Variants in CLEC4D observed in about 807,000 individuals in gnomAD.
CLEC4D encodes the protein C-type (calcium dependent, carbohydrate-recognition domain) lectin, superfamily member 8.
A neutral mutation model predicts 21.1 loss-of-function variants in CLEC4D; 21 were observed. That is an observed-to-expected ratio of 1.00 (90% CI 0.71 to 1.43). CLEC4D has a LOEUF of 1.43. Among genes scored for constraint, CLEC4D ranks in the 40% most tolerant of loss-of-function variants. The pLI is 0.00. For synonymous variants in CLEC4D, 85 were observed against 83.1 expected, an observed-to-expected ratio of 1.02 and a Z score of -0.12; for missense variants, 289 against 260.7, an observed-to-expected ratio of 1.11 and a Z score of -0.75.
At position 8,521,830 on chromosome 12, in the gene CLEC4D, T is replaced by C. The variant is rs1056250369; in HGVS notation, c.*559T>C. The C allele has an allele frequency of 1.3e-5, 2 of 152,330 alleles. No homozygotes were observed. Among genetic ancestry groups the C allele is most frequent in the Non-Finnish European group, 2.9e-5 (2 of 68,130 alleles). The allele number at this position is 152,330 out of a possible 1,614,324, so 9.4% of individuals were successfully genotyped here. ...AACAGTGTGGAATAGTTCTGAATTA[T>C]GCTGTTCTACAGATAGAAAAAAAGT... On this transcript the variant is annotated 3_prime_UTR_variant, in exon 6 of 6. Coordinates refer to ENST00000299665, the MANE Select transcript of CLEC4D (RefSeq NM_080387.5).
intron 1 of CLEC4D, among the ~76,000 whole-genome samples, chr12:8,514,635 T>G (rs986533266): frequency 6.6e-6 from 1 of 152,138 alleles, no homozygotes; most frequent in East Asian, 1.9e-4. Flanking sequence ...GCATTTATTT[T>G]CTCACTAAGA....
intron 2 of CLEC4D, among the ~76,000 whole-genome samples, chr12:8,515,993 A>G (rs1183261212): frequency 6.6e-6 from 1 of 152,168 alleles, no homozygotes; most frequent in Non-Finnish European, 1.5e-5. Context: ...TATATAAAAC[A>G]AAAGAAGATA....
At chr12:8,525,742 GT>G (rs1940501002), downstream of CLEC4D, among the ~76,000 whole-genome samples, 1 of 152,092 alleles carries the variant, frequency 6.6e-6, no homozygotes, top group South Asian at 2.1e-4. Flanking sequence ...ATGCTATTTG[GT>G]TTTTTTGCAC....
the CLEC4D span, among the ~76,000 whole-genome samples, chr12:8,528,237 T>C: frequency 1.3e-5 from 2 of 152,140 alleles, no homozygotes; most frequent in Non-Finnish European, 2.9e-5. Context: ...TGGGTTATCA[T>C]AGGCAGAAAA....
At chr12:8,520,185 C>G (rs1355584547) in intron 4 of CLEC4D, 41 bp from the exon 5 acceptor site, 1 of 1,605,134 alleles carries the variant, frequency 6.2e-7, no homozygotes, top group Non-Finnish European at 8.5e-7. Context: ...TAGCCATCAC[C>G]TGATTCATGC....
chr12:8,523,838 G>A (rs188948803), downstream of CLEC4D, among the ~76,000 whole-genome samples: 285 of 152,186 alleles, frequency 1.9e-3, 1 homozygote, highest in African/African-American at 4.1e-3. Context: ...CTGTGCGTTC[G>A]TCATAAATAG....
the CLEC4D span, among the ~76,000 whole-genome samples, chr12:8,527,964 A>T: frequency 6.6e-6 from 1 of 152,020 alleles, no homozygotes; most frequent in African/African-American, 2.4e-5. Context: ...TGTGGCTCTC[A>T]GGTGGGCCGC....
rs189230115 is a variant in CLEC4D, at chr12:8,521,726, T to C, written c.*455T>C. The C allele has an allele frequency of 1.3e-5, 2 of 153,664 alleles. No homozygotes were observed. The highest frequency in any genetic ancestry group is 3.8e-4 in the East Asian group (2 of 5,218). The allele number at this position is 153,664 out of a possible 1,614,324, so 9.5% of individuals were successfully genotyped here. On this transcript the variant is annotated 3_prime_UTR_variant, in exon 6 of 6. Coordinates refer to ENST00000299665, the MANE Select transcript of CLEC4D (RefSeq NM_080387.5). ...CTTTAAAGATTTGAAACCACATTTTTATTGTTTGATGTTTCATTTTCAGAC... is the reference window on the plus strand; with the variant it reads ...CTTTAAAGATTTGAAACCACATTTTCATTGTTTGATGTTTCATTTTCAGAC...
chr12:8,524,533 G>C (rs1339564284), downstream of CLEC4D, among the ~76,000 whole-genome samples: 2 of 152,098 alleles, frequency 1.3e-5, no homozygotes, highest in African/African-American at 4.8e-5. Flanking sequence ...ATTTCTGTGG[G>C]ATCAGTGGTG....
At chr12:8,518,375 G>A (rs1376720036) in intron 3 of CLEC4D, 101 bp downstream of exon 3, 9 of 631,554 alleles carry the variant, frequency 1.4e-5, no homozygotes, top group Admixed American at 8.0e-5. Context: ...GATTAAAATA[G>A]CATAAGATGA....
In CLEC4D at chr12:8,513,577, C is replaced by A; in HGVS notation, c.-156C>A. ...CTTCTTTTGAGCTAACTTTCTTATA[C>A]TGGTACCTTTCTAATCTCACTACAA... On this transcript the variant is annotated 5_prime_UTR_variant, in exon 1 of 6. In the 5' UTR this introduces an upstream ATG that the reference lacks. Transcript: ENST00000299665. The A allele has an allele frequency of 7.5e-6, 3 of 400,618 alleles. No individual in the cohort carries two copies. The highest frequency in any genetic ancestry group is 7.3e-5 in the East Asian group (2 of 27,332). The allele number at this position is 400,618 out of a possible 1,614,324, so 24.8% of individuals were successfully genotyped here. A position where few individuals can be genotyped will look rare whatever the true frequency, so the allele number is the denominator to read the frequency against.
intron 2 of CLEC4D, among the ~76,000 whole-genome samples, chr12:8,517,473 C>T (rs116999651): frequency 0.057 from 8,086 of 141,544 alleles, 409 homozygotes; most frequent in African/African-American, 0.13. Flanking sequence ...CAACAGGCCC[C>T]GGTGTGTGCT....
chr12:8,521,225 T>G lies in CLEC4D; in HGVS notation c.602T>G (p.Phe201Cys). 1 of 1,613,416 alleles carries G rather than the reference T, an allele frequency of 6.2e-7. No individual in the cohort carries two copies. The highest frequency in any genetic ancestry group is 2.2e-5 in the East Asian group (1 of 44,832). ...KWAWNDVPCN[F>C]EASRICKIPG... ...GCCTGGAATGATGTTCCTTGTAACT[T>G]TGAAGCAAGTAGGATTTGTAAAATA... The change falls in exon 6 of 6, where the codon TTT (phenylalanine) becomes TGT (cysteine). Residue 201 changes from phenylalanine (F) to cysteine (C), a missense_variant. Physicochemically the swap from Phe to Cys is radical, Grantham distance 205. Coordinates refer to ENST00000299665, the MANE Select transcript of CLEC4D (RefSeq NM_080387.5).
chr12:8,515,342 C>T lies in CLEC4D; in HGVS notation c.121+14C>T. ...CAAGTTGTTTGGGTAAGTTATTAGC[C>T]AAAGTAGAACTCTTCTTGAATTATT... On this transcript the variant is annotated intron_variant, in intron 2 of 5. Transcript: ENST00000299665. The T allele has an allele frequency of 1.6e-5, 17 of 1,043,966 alleles. 1 individual carries two copies. Among genetic ancestry groups the T allele is most frequent in the Non-Finnish European group, 2.4e-5 (16 of 659,848 alleles). The allele number at this position is 1,043,966 out of a possible 1,614,324, so 64.7% of individuals were successfully genotyped here.
the CLEC4D span, among the ~76,000 whole-genome samples, chr12:8,531,211 T>C: frequency 6.6e-6 from 1 of 152,150 alleles, no homozygotes; most frequent in African/African-American, 2.4e-5. Context: ...CAATCTCCCC[T>C]TTACACTGTC....
chr12:8,527,844 T>C, the CLEC4D span, among the ~76,000 whole-genome samples: 1 of 152,166 alleles, frequency 6.6e-6, no homozygotes, highest in Non-Finnish European at 1.5e-5. Flanking sequence ...AGTGGGATCT[T>C]CCAATCCGTA....
At chr12:8,518,331 CTG>C (rs1485056056) in intron 3 of CLEC4D, 57 bp downstream of exon 3, 10 of 773,450 alleles carry the variant, frequency 1.3e-5, no homozygotes, top group Admixed American at 1.0e-4. Flanking sequence ...AATTCATAGT[CTG>C]ACTGAAGGAA....
At chr12:8,524,837 G>C (rs1940494986), downstream of CLEC4D, among the ~76,000 whole-genome samples, 1 of 152,116 alleles carries the variant, frequency 6.6e-6, no homozygotes, top group Admixed American at 6.5e-5. Context: ...TGGGCATTTA[G>C]TGCTATAAAT....
the CLEC4D span, among the ~76,000 whole-genome samples, chr12:8,528,890 A>G: frequency 9.9e-5 from 15 of 151,570 alleles, no homozygotes; most frequent in Non-Finnish European, 2.2e-4. Flanking sequence ...TATACATAAT[A>G]AACATATAAT....
Sources: gnomAD v4.1 joint callset for allele counts (sites outside exome capture counted in the v4.1 genomes callset) on GRCh38, gnomAD v4.1.1 for gene constraint, MANE v1.5 for transcripts, NCBI Gene and HGNC (gene_info 2026-07-23, HGNC 2026-07-21) for gene names.